CA10: variants seen among roughly 807,000 people sequenced by gnomAD.
The protein encoded by CA10 is carbonic anhydrase 10 (inactive).
A neutral mutation model predicts 44.2 loss-of-function variants in CA10; 14 were observed. That is an observed-to-expected ratio of 0.32 (90% CI 0.21 to 0.50). The LOEUF (loss-of-function observed/expected upper bound fraction) is 0.50, where lower values mean the gene tolerates loss of function less well. CA10 is among the 20% of genes least tolerant of loss of function. The pLI, the probability that CA10 is intolerant of heterozygous loss-of-function variation, is 0.99. For missense variants in CA10, 350 were observed against 409.7 expected, an observed-to-expected ratio of 0.85 and a Z score of 1.26; for synonymous variants, 159 against 141.6, an observed-to-expected ratio of 1.12 and a Z score of -0.87.
At chr17:51,881,936 C>T (rs1453517387) in intron 3 of CA10, among the ~76,000 whole-genome samples, 1 of 152,026 alleles carries the variant, frequency 6.6e-6, no homozygotes, top group Non-Finnish European at 1.5e-5. Context: ...GGAATGCTTG[C>T]TCACATGCAT....
At chr17:51,774,271 C>G (rs1905723188) in intron 3 of CA10, among the ~76,000 whole-genome samples, 2 of 152,132 alleles carry the variant, frequency 1.3e-5, no homozygotes, top group South Asian at 4.1e-4. Flanking sequence ...CAAACTAGAA[C>G]CTTAGCACTT....
At chr17:51,881,808 C>A (rs1270148117) in intron 3 of CA10, among the ~76,000 whole-genome samples, 2 of 152,100 alleles carry the variant, frequency 1.3e-5, no homozygotes, top group East Asian at 3.9e-4. Context: ...AACGGAACAT[C>A]TTTCACTGTT....
At chr17:51,810,753 TC>T (rs1250527177) in intron 3 of CA10, among the ~76,000 whole-genome samples, 2 of 152,154 alleles carry the variant, frequency 1.3e-5, no homozygotes, top group Non-Finnish European at 2.9e-5. Context: ...GGGATGAGGT[TC>T]CCTGTTGAGA....
intron 1 of CA10, among the ~76,000 whole-genome samples, chr17:52,128,120 T>C (rs553571771): frequency 1.2e-3 from 188 of 152,328 alleles, no homozygotes; most frequent in African/African-American, 4.3e-3. Flanking sequence ...CAACCCCAGT[T>C]CTGGGGCTAT....
intron 2 of CA10, among the ~76,000 whole-genome samples, chr17:52,063,403 C>G (rs1024516296): frequency 3.3e-5 from 5 of 152,152 alleles, no homozygotes; most frequent in Admixed American, 3.3e-4. Context: ...CATGGAGAGT[C>G]AAGCGTGGAA....
At chr17:51,703,873 A>G (rs987739327) in intron 4 of CA10, among the ~76,000 whole-genome samples, 4 of 152,222 alleles carry the variant, frequency 2.6e-5, no homozygotes, top group African/African-American at 9.6e-5. Flanking sequence ...GCTGCTTGCC[A>G]TTCCAAACAA....
chr17:52,062,921 C>G (rs1034498834), intron 2 of CA10, among the ~76,000 whole-genome samples: 5 of 152,234 alleles, frequency 3.3e-5, no homozygotes, highest in African/African-American at 1.2e-4. Context: ...GGCAATGAGC[C>G]ACACTAGCAT....
intron 6 of CA10, among the ~76,000 whole-genome samples, chr17:51,641,254 A>G (rs1913076151): frequency 6.6e-6 from 1 of 152,088 alleles, no homozygotes. Context: ...TGTCAAGTCA[A>G]GAGTCTTAAT....
At chr17:51,931,814 A>G (rs969632700) in intron 2 of CA10, among the ~76,000 whole-genome samples, 6 of 152,188 alleles carry the variant, frequency 3.9e-5, no homozygotes, top group African/African-American at 1.4e-4. Flanking sequence ...ACTCATTTTC[A>G]GTGTCACATG....
chr17:51,650,557 C>T (rs773613088), intron 5 of CA10, among the ~76,000 whole-genome samples: 4 of 152,146 alleles, frequency 2.6e-5, no homozygotes, highest in Non-Finnish European at 4.4e-5. Flanking sequence ...AAAAGTCCAT[C>T]CCTAAATAGA....
chr17:52,094,392 T>C (rs775543099), intron 1 of CA10, among the ~76,000 whole-genome samples: 4 of 151,444 alleles, frequency 2.6e-5, no homozygotes, highest in African/African-American at 9.7e-5. Context: ...TACATAGGAA[T>C]GTATCGTCAG....
At chr17:52,151,201 C>A (rs1470167102) in intron 1 of CA10, among the ~76,000 whole-genome samples, 1 of 152,074 alleles carries the variant, frequency 6.6e-6, no homozygotes, top group African/African-American at 2.4e-5. Context: ...GTTTACAATC[C>A]CCTTCACACT....
chr17:51,992,399 C>T (rs1250693042), intron 2 of CA10, among the ~76,000 whole-genome samples: 1 of 152,078 alleles, frequency 6.6e-6, no homozygotes, highest in Non-Finnish European at 1.5e-5. Context: ...TAGGTCTTTG[C>T]TTTTCTGAGA....
At chr17:52,151,841 C>T (rs551449568) in intron 1 of CA10, among the ~76,000 whole-genome samples, 21 of 152,218 alleles carry the variant, frequency 1.4e-4, no homozygotes, top group African/African-American at 5.1e-4. Flanking sequence ...ACTTAAATTA[C>T]TTATCCAAGA....
intron 3 of CA10, among the ~76,000 whole-genome samples, chr17:51,855,965 C>T (rs1979020575): frequency 6.6e-6 from 1 of 152,040 alleles, no homozygotes; most frequent in African/African-American, 2.4e-5. Context: ...CCTTTGGACT[C>T]AATTACCTTA....
At chr17:51,841,855 C>G (rs899457025) in intron 3 of CA10, among the ~76,000 whole-genome samples, 1 of 152,214 alleles carries the variant, frequency 6.6e-6, no homozygotes, top group African/African-American at 2.4e-5. Flanking sequence ...GTGACCCTGT[C>G]TTCCTTTCCA....
intron 3 of CA10, among the ~76,000 whole-genome samples, chr17:51,778,900 C>T (rs1251899790): frequency 1.3e-5 from 2 of 152,160 alleles, no homozygotes; most frequent in African/African-American, 2.4e-5. Context: ...ACTGGAGCCT[C>T]GTGTTCTTGG....
chr17:51,631,332 G>A lies in CA10; in HGVS notation c.*252C>T. 4.0e-6 allele frequency: 2 copies of A among 503,338 alleles called. No homozygotes were observed. The highest frequency in any genetic ancestry group is 7.1e-6 in the Non-Finnish European group (2 of 281,076). 31.2% of individuals were successfully genotyped at this position (503,338 alleles called of 1,614,324 possible). A position where few individuals can be genotyped will look rare whatever the true frequency, so the allele number is the denominator to read the frequency against. Reference sequence around the variant, plus strand: ...CATGATGGAGGTTGTAAGAGTGTGTGTGTGTGTAGGTATGTTTGCATGTGT... The same window carrying A: ...CATGATGGAGGTTGTAAGAGTGTGTATGTGTGTAGGTATGTTTGCATGTGT... On this transcript the variant is annotated 3_prime_UTR_variant, in exon 9 of 9. Coordinates refer to ENST00000451037, the MANE Select transcript of CA10 (RefSeq NM_020178.5).
chr17:52,079,238 A>T (rs1450067863), intron 1 of CA10, among the ~76,000 whole-genome samples: 1 of 152,048 alleles, frequency 6.6e-6, no homozygotes, highest in African/African-American at 2.4e-5. Context: ...GTGAGCCGAG[A>T]TTGCACCACT....
Sources: allele counts gnomAD v4.1 joint callset (sites outside exome capture counted in the v4.1 genomes callset), GRCh38; gene constraint gnomAD v4.1.1; transcripts MANE v1.5; gene names NCBI Gene and HGNC (gene_info 2026-07-23, HGNC 2026-07-21).